The following CFI variants were observed in gnomAD, a reference collection of about 807,000 sequenced individuals.
The protein encoded by CFI is C3B/C4B inactivator.
A neutral mutation model predicts 78.8 loss-of-function variants in CFI; 66 were observed. The ratio of observed to expected loss-of-function variants is 0.84; its 90% confidence interval spans 0.69 to 1.03. CFI has a LOEUF of 1.03. Ranked by LOEUF, CFI falls within the 50% of genes least tolerant of loss-of-function variation. The pLI, the probability that CFI is intolerant of heterozygous loss-of-function variation, is 0.00. For missense variants in CFI, 706 were observed against 704.5 expected (o/e 1.00, Z -0.02); for synonymous variants, 250 against 232.6 (o/e 1.07, Z -0.68).
intron 1 of CFI, among the ~76,000 whole-genome samples, chr4:109,772,382 G>A (rs1728713348): frequency 6.6e-6 from 1 of 152,222 alleles, no homozygotes; most frequent in Non-Finnish European, 1.5e-5. Context: ...TATAAACGAT[G>A]TGAGTATGCC....
At chr4:109,734,292 A>G in the CFI span, among the ~76,000 whole-genome samples, 1 of 152,210 alleles carries the variant, frequency 6.6e-6, no homozygotes, top group Non-Finnish European at 1.5e-5. Flanking sequence ...AAAGGCGCTT[A>G]AGAAGGAGCA....
At chr4:109,773,109 T>G (rs1560552116) in intron 1 of CFI, among the ~76,000 whole-genome samples, 1 of 152,182 alleles carries the variant, frequency 6.6e-6, no homozygotes, top group Non-Finnish European at 1.5e-5. Flanking sequence ...CTGTGTCATG[T>G]GATCATGGGA....
intron 1 of CFI, among the ~76,000 whole-genome samples, chr4:109,794,656 G>T (rs1731826136): frequency 6.6e-6 from 1 of 152,052 alleles, no homozygotes; most frequent in African/African-American, 2.4e-5. Context: ...AGCTGGGTGT[G>T]GTGGTGGGCA....
At chr4:109,801,330 A>C (rs1359996503) in intron 1 of CFI, among the ~76,000 whole-genome samples, 1 of 152,156 alleles carries the variant, frequency 6.6e-6, no homozygotes, top group East Asian at 1.9e-4. Context: ...CACTGATCAC[A>C]TGTAATACAG....
At chr4:109,787,063 G>A (rs1187572279) in intron 1 of CFI, among the ~76,000 whole-genome samples, 1 of 152,002 alleles carries the variant, frequency 6.6e-6, no homozygotes, top group East Asian at 1.9e-4. Context: ...GCCCTTCTGA[G>A]CCCAGTATAG....
downstream of CFI, among the ~76,000 whole-genome samples, chr4:109,736,064 G>A (rs1406965739): frequency 6.6e-6 from 1 of 152,176 alleles, no homozygotes; most frequent in Non-Finnish European, 1.5e-5. Flanking sequence ...GGCCTGCTCA[G>A]ACAGTTTATG....
At chr4:109,742,619 AT>A in intron 11 of CFI, 24 bp from the exon 12 acceptor site, 1 of 1,430,696 alleles carries the variant, frequency 7.0e-7, no homozygotes, top group Non-Finnish European at 9.9e-7. Context: ...GAAAGCAAAC[AT>A]TTAGAAGTCA....
At chr4:109,740,656 T>C, downstream of CFI, 1 of 536,828 alleles carries the variant, frequency 1.9e-6, no homozygotes, top group Non-Finnish European at 3.4e-6. Context: ...ACTCCCGCAT[T>C]GAGATAATTT....
intron 4 of CFI, 88 bp downstream of exon 4, chr4:109,761,429 G>A (rs992010725): frequency 1.3e-5 from 16 of 1,273,906 alleles, no homozygotes; most frequent in African/African-American, 2.9e-5. Context: ...GACTGGCAAC[G>A]AGGCATCAAT....
Position 109,746,383 on chromosome 4 carries a change from G to T in CFI, c.1268C>A (p.Ala423Glu), listed in dbSNP as rs555832641. 13 of 1,614,034 alleles carry T rather than the reference G, an allele frequency of 8.1e-6. No individual in the cohort carries two copies. In the East Asian group the frequency reaches 2.9e-4, roughly 36 times the overall value. The stretch of plus-strand genomic sequence containing the variant: ...AGCGATGTCATTTTGGTAAGTGCCT[G>T]CATTGTAGTTTTCATGGAAAATAAT... ...DRIIFHENYN[A>E]GTYQNDIALI... Residue 423 changes from alanine to glutamate, a missense_variant, in exon 11 of 13, where the codon GCA becomes GAA. Physicochemically the swap from Ala to Glu is moderately radical, Grantham distance 107. Transcript: ENST00000394634.
intron 6 of CFI, among the ~76,000 whole-genome samples, chr4:109,758,190 G>T (rs1726564309): frequency 6.6e-6 from 1 of 151,192 alleles, no homozygotes; most frequent in African/African-American, 2.4e-5. Flanking sequence ...AGGTGCAGTG[G>T]CTCATGCCTG....
At chr4:109,784,650 GA>G (rs1181663209) in intron 1 of CFI, among the ~76,000 whole-genome samples, 1 of 151,992 alleles carries the variant, frequency 6.6e-6, no homozygotes, top group Non-Finnish European at 1.5e-5. Flanking sequence ...ATTATGAGAA[GA>G]AAAAATAATG....
Position 109,740,847 on chromosome 4 carries a change from G to A in CFI, c.*46C>T. 1 of 1,509,896 alleles carries A rather than the reference G, an allele frequency of 6.6e-7. No homozygotes were observed. Among genetic ancestry groups the A allele is most frequent in the Non-Finnish European group, 9.2e-7 (1 of 1,086,182 alleles). The allele number at this position is 1,509,896 out of a possible 1,614,324, so 93.5% of individuals were successfully genotyped here. A position where few individuals can be genotyped will look rare whatever the true frequency, so the allele number is the denominator to read the frequency against. On this transcript the variant is annotated 3_prime_UTR_variant, in exon 13 of 13. Transcript: ENST00000394634. ...TATACCGTTTTATTTCCATTAAATG[G>A]AACTCTTGAGAGAAAAAGAATAGAA... is the stretch of plus-strand genomic sequence containing the variant.
chr4:109,791,154 A>G (rs1731329446), intron 1 of CFI, among the ~76,000 whole-genome samples: 2 of 152,020 alleles, frequency 1.3e-5, no homozygotes, highest in African/African-American at 4.8e-5. Context: ...CTGGTGTGAG[A>G]TGGTATTTCA....
chr4:109,789,276 C>T (rs1731090917), intron 1 of CFI, among the ~76,000 whole-genome samples: 1 of 151,886 alleles, frequency 6.6e-6, no homozygotes, highest in African/African-American at 2.4e-5. Context: ...GAACAAAAAA[C>T]ATATTTGAAG....
intron 1 of CFI, among the ~76,000 whole-genome samples, chr4:109,797,447 A>C (rs1732194767): frequency 6.6e-6 from 1 of 152,222 alleles, no homozygotes; most frequent in African/African-American, 2.4e-5. Flanking sequence ...AAAGACTTAC[A>C]CATACACCTG....
chr4:109,792,755 G>C (rs72674896), intron 1 of CFI, among the ~76,000 whole-genome samples: 35,199 of 151,902 alleles, frequency 0.23, 4,843 homozygotes, highest in Admixed American at 0.36. Context: ...AACGGTTTTT[G>C]ACTTAAGGTC....
intron 1 of CFI, among the ~76,000 whole-genome samples, chr4:109,787,043 A>G (rs1730837870): frequency 6.6e-6 from 1 of 151,230 alleles, no homozygotes; most frequent in African/African-American, 2.5e-5. Flanking sequence ...AGACATAAAA[A>G]GAAGAACCAG....
downstream of CFI, among the ~76,000 whole-genome samples, chr4:109,737,333 C>T (rs1033315820): frequency 6.6e-6 from 1 of 152,184 alleles, no homozygotes; most frequent in South Asian, 2.1e-4. Flanking sequence ...CCTCACACTG[C>T]AGGGCCTTTG....
Sources: allele counts gnomAD v4.1 joint callset (sites outside exome capture counted in the v4.1 genomes callset), GRCh38; gene constraint gnomAD v4.1.1; transcripts MANE v1.5; gene names NCBI Gene and HGNC (gene_info 2026-07-23, HGNC 2026-07-21).